Variants in RELN observed in about 807,000 individuals in gnomAD.
The protein encoded by RELN is reelin.
In RELN, 108 loss-of-function variants were observed where a neutral mutation model predicts 427.6. That is an observed-to-expected ratio of 0.25 (90% CI 0.22 to 0.30). The LOEUF (loss-of-function observed/expected upper bound fraction) is 0.30, where lower values mean the gene tolerates loss of function less well. Ranked by LOEUF, RELN falls within the 10% of genes least tolerant of loss-of-function variation. The pLI, the probability that RELN is intolerant of heterozygous loss-of-function variation, is 1.00. For synonymous variants in RELN, 1,524 were observed against 1,513.4 expected, an observed-to-expected ratio of 1.01 and a Z score of -0.16; for missense variants, 3,715 against 4,302.8, an observed-to-expected ratio of 0.86 and a Z score of 3.82.
At chr7:103,791,171 G>A (rs1465929312) in intron 3 of RELN, among the ~76,000 whole-genome samples, 2 of 152,080 alleles carry the variant, frequency 1.3e-5, no homozygotes, top group African/African-American at 2.4e-5. Flanking sequence ...CTCTTAAGAT[G>A]GCAATACTAC....
chr7:103,781,630 T>A (rs2116231827), intron 3 of RELN, among the ~76,000 whole-genome samples: 1 of 152,206 alleles, frequency 6.6e-6, no homozygotes, highest in African/African-American at 2.4e-5. Flanking sequence ...CTAACTGAAA[T>A]TTTGTATCTT....
In RELN at chr7:103,563,269, G is replaced by C. The variant is rs76313337; in HGVS notation, c.5211-1316C>G. Among the ~76,000 whole-genome samples, 36 of 152,194 alleles carry C rather than the reference G, an allele frequency of 2.4e-4. No individual in the cohort carries two copies. The highest frequency in any genetic ancestry group is 4.3e-4 in the Non-Finnish European group (29 of 68,010). ...GATGATGGACTGCATTTATGACAAT[G>C]GTCTCATAAGATTATAATGGATCTG... On this transcript the variant is annotated intron_variant, in intron 34 of 64. Transcript: ENST00000428762. The surrounding 1 kb of genome is among the most constrained non-coding windows in gnomAD (Gnocchi z 4.1).
chr7:103,594,722 G>A (rs764449663), intron 25 of RELN, among the ~76,000 whole-genome samples: 2 of 152,072 alleles, frequency 1.3e-5, no homozygotes, highest in Admixed American at 6.6e-5. Flanking sequence ...TGGAGAAGAG[G>A]GAGAATATTT....
chr7:103,720,737 A>G (rs927761863), intron 8 of RELN, among the ~76,000 whole-genome samples: 3 of 152,128 alleles, frequency 2.0e-5, no homozygotes, highest in African/African-American at 7.2e-5. Flanking sequence ...TCTGATTACT[A>G]TGGATACCCA....
At chr7:103,707,501 TTTC>T (rs1278935609) in intron 8 of RELN, among the ~76,000 whole-genome samples, 89 of 148,740 alleles carry the variant, frequency 6.0e-4, no homozygotes, top group Non-Finnish European at 9.4e-4. Context: ...ATTTCTTTCT[TTTC>T]TTTTTTTTTT....
At chr7:103,642,927 T>C (rs1402213123) in intron 16 of RELN, among the ~76,000 whole-genome samples, 1 of 152,094 alleles carries the variant, frequency 6.6e-6, no homozygotes, top group Non-Finnish European at 1.5e-5. Context: ...AAAAACTCCA[T>C]TTTAACCCCT....
chr7:103,920,656 C>T (rs1031660640), intron 1 of RELN, among the ~76,000 whole-genome samples: 3 of 150,332 alleles, frequency 2.0e-5, no homozygotes, highest in Admixed American at 6.7e-5. Context: ...TCACTGCAGC[C>T]TCCACCTCCT....
chr7:103,665,782 T>A (rs1480763436), intron 11 of RELN, among the ~76,000 whole-genome samples: 3 of 152,108 alleles, frequency 2.0e-5, no homozygotes, highest in Non-Finnish European at 4.4e-5. Context: ...TAAGTCACTA[T>A]CTTTTCAAAT....
chr7:103,687,043 C>A (rs532349410), intron 10 of RELN, among the ~76,000 whole-genome samples: 2 of 152,104 alleles, frequency 1.3e-5, no homozygotes, highest in African/African-American at 4.8e-5. Flanking sequence ...TTTTTTTTCT[C>A]ATTAATTTCT....
chr7:103,616,636 CCAGA>C (rs1310325083), intron 20 of RELN, among the ~76,000 whole-genome samples: 6 of 152,050 alleles, frequency 3.9e-5, no homozygotes, highest in East Asian at 3.8e-4. Flanking sequence ...AAAAATACTT[CCAGA>C]CAGTTTTTCT....
intron 22 of RELN, among the ~76,000 whole-genome samples, chr7:103,607,938 T>A (rs1258293596): frequency 6.6e-6 from 1 of 152,248 alleles, no homozygotes; most frequent in Non-Finnish European, 1.5e-5. Context: ...CAAATGTTCA[T>A]ACACAATGTA....
intron 2 of RELN, among the ~76,000 whole-genome samples, chr7:103,863,845 T>C (rs987016134): frequency 3.3e-5 from 5 of 151,970 alleles, no homozygotes; most frequent in African/African-American, 7.2e-5. Flanking sequence ...AAAAAAATCC[T>C]CTAAGTTTTG....
chr7:103,984,485 G>C (rs1267194761), intron 1 of RELN, among the ~76,000 whole-genome samples: 1 of 152,098 alleles, frequency 6.6e-6, no homozygotes, highest in African/African-American at 2.4e-5. Context: ...CTGCCAAAAT[G>C]AAATATTTTG....
chr7:103,908,969 C>T (rs1795278926), intron 2 of RELN, among the ~76,000 whole-genome samples: 1 of 152,172 alleles, frequency 6.6e-6, no homozygotes, highest in East Asian at 1.9e-4. Context: ...TTGAATTCCT[C>T]AAGTATGCTT....
chr7:103,749,032 T>C (rs1278856512), intron 6 of RELN, among the ~76,000 whole-genome samples: 2 of 152,134 alleles, frequency 1.3e-5, no homozygotes, highest in Non-Finnish European at 2.9e-5. Context: ...GGAGTATACA[T>C]AATGAGTTGA....
At chr7:103,622,782 A>G (rs1204584339) in intron 20 of RELN, among the ~76,000 whole-genome samples, 2 of 152,156 alleles carry the variant, frequency 1.3e-5, no homozygotes, top group African/African-American at 4.8e-5. Context: ...TTACCCTAAC[A>G]GCACTTATCA....
intron 8 of RELN, among the ~76,000 whole-genome samples, chr7:103,702,205 A>C (rs906043290): frequency 1.3e-5 from 2 of 152,244 alleles, no homozygotes; most frequent in African/African-American, 4.8e-5. Context: ...CAGCTGCTTA[A>C]AATAAATATC....
In RELN at chr7:103,592,408, T is replaced by C. The variant is rs2299342; in HGVS notation, c.3912+1274A>G. 7.6e-4 allele frequency among the ~76,000 whole-genome samples: 116 copies of C among 152,348 alleles called. No individual in the cohort carries two copies. In the South Asian group the frequency reaches 0.012, roughly 15 times the overall value. On this transcript the variant is annotated intron_variant, in intron 27 of 64. Coordinates refer to ENST00000428762, the MANE Select transcript of RELN (RefSeq NM_005045.4). ...GCTGTGTAGTGTTCCATGGTGTATATGTACCACATTTTCTTTATCCAGTCT... is the reference window on the plus strand; with the variant it reads ...GCTGTGTAGTGTTCCATGGTGTATACGTACCACATTTTCTTTATCCAGTCT...
rs184912426 is a variant in RELN at position 103,870,965 on chromosome 7, T to C, written c.338-37293A>G. 3.3e-5 allele frequency among the ~76,000 whole-genome samples: 5 copies of C among 152,252 alleles called. No homozygotes were observed. The East Asian group carries it at 9.7e-4, about 29-fold the overall frequency. On this transcript the variant is annotated intron_variant, in intron 2 of 64. Transcript: ENST00000428762. ...TCATCTCAGCAGGACCACTGTGCTT[T>C]TTCTGGACTCCTGCTCACTGCTCTG...
Sources: allele counts gnomAD v4.1 joint callset (sites outside exome capture counted in the v4.1 genomes callset), GRCh38; gene constraint gnomAD v4.1.1; non-coding constraint Gnocchi (gnomAD v3.1); transcripts MANE v1.5; gene names NCBI Gene and HGNC (gene_info 2026-07-23, HGNC 2026-07-21).